Variants in PCDHGB7 observed in about 807,000 individuals in gnomAD.
The protein encoded by PCDHGB7 is protocadherin gamma subfamily B, 7.
PCDHGB7 carries 37 observed loss-of-function variants against 61.4 expected under a neutral mutation model. The observed-to-expected ratio is 0.60, with a 90% CI of 0.46 to 0.79. PCDHGB7 has a LOEUF of 0.79. Ranked by LOEUF, PCDHGB7 falls within the 30% of genes least tolerant of loss-of-function variation. The pLI is 0.00. For missense variants in PCDHGB7, 1,166 were observed against 1,202.5 expected (o/e 0.97, Z 0.45); for synonymous variants, 464 against 503.5 (o/e 0.92, Z 1.05).
intron 1 of PCDHGB7, among the ~76,000 whole-genome samples, chr5:141,464,886 A>T (rs541933775): frequency 5.2e-4 from 79 of 152,156 alleles, no homozygotes; most frequent in African/African-American, 1.9e-3. Flanking sequence ...CTACAGATGG[A>T]TGCCACCATG....
chr5:141,446,928 C>T (rs988582410), intron 1 of PCDHGB7, among the ~76,000 whole-genome samples: 14 of 152,132 alleles, frequency 9.2e-5, no homozygotes, highest in Non-Finnish European at 1.6e-4. Context: ...TTCCTGATCT[C>T]TTTTTCACTG....
At chr5:141,460,741 A>G (rs1378900827) in intron 1 of PCDHGB7, among the ~76,000 whole-genome samples, 1 of 152,128 alleles carries the variant, frequency 6.6e-6, no homozygotes, top group Non-Finnish European at 1.5e-5. Flanking sequence ...CACATTGTAT[A>G]TATATGTGTA....
In PCDHGB7 at chr5:141,432,249, A is replaced by G; in HGVS notation, c.2415+11975A>G. The G allele has an allele frequency of 6.2e-7, 1 of 1,614,206 alleles. No individual in the cohort carries two copies. Among genetic ancestry groups the G allele is most frequent in the Non-Finnish European group, 8.5e-7 (1 of 1,180,044 alleles). On this transcript the variant is annotated intron_variant, in intron 1 of 3. Coordinates refer to ENST00000398594, the MANE Select transcript of PCDHGB7 (RefSeq NM_018927.4). The surrounding 1 kb of genome is among the most constrained non-coding windows in gnomAD (Gnocchi z 6.0). ...TATTCCCTGGCTGAGAACACCATCC[A>G]AGGGGCAAGCCTATCGTCCTACGTG...
intron 1 of PCDHGB7, among the ~76,000 whole-genome samples, chr5:141,494,199 G>A (rs1033914239): frequency 1.3e-5 from 2 of 152,160 alleles, no homozygotes; most frequent in South Asian, 2.1e-4. Context: ...TGGATGCCCC[G>A]CAAAGGCCCA....
rs200349213 is a variant in PCDHGB7 at position 141,425,728 on chromosome 5, GGAT to G, written c.2415+5456_2415+5458del. Among the ~76,000 whole-genome samples the G allele has an allele frequency of 9.8e-4, 149 of 152,196 alleles. 2 individuals carry two copies. In the East Asian group the frequency reaches 0.027, roughly 28 times the overall value. ...AAAATTTTCCCATACCACTTGATGG[GGAT>G]GTTTTCCCACAAGGTTTTTGTTCTA... On this transcript the variant is annotated intron_variant, in intron 1 of 3. Transcript: ENST00000398594.
intron 1 of PCDHGB7, among the ~76,000 whole-genome samples, chr5:141,433,995 CT>C (rs2097669147): frequency 2.6e-5 from 4 of 152,028 alleles, no homozygotes; most frequent in Admixed American, 2.0e-4. Flanking sequence ...GTTTTATATT[CT>C]CTATATATGT....
chr5:141,482,160 T>G (rs577572891), intron 1 of PCDHGB7, among the ~76,000 whole-genome samples: 1 of 151,854 alleles, frequency 6.6e-6, no homozygotes, highest in Admixed American at 6.6e-5. Context: ...GTCAAAGATA[T>G]GTAAGATTAA....
chr5:141,510,420 G>A (rs1275392355), intron 3 of PCDHGB7, among the ~76,000 whole-genome samples: 2 of 152,126 alleles, frequency 1.3e-5, no homozygotes, highest in Non-Finnish European at 2.9e-5. Flanking sequence ...TAAAGCCATG[G>A]TTTCATGGCT....
chr5:141,430,919 C>T, intron 1 of PCDHGB7: 1 of 1,607,610 alleles, frequency 6.2e-7, no homozygotes, highest in Non-Finnish European at 8.5e-7. Context: ...GGACCTGGGG[C>T]TGGAGCCCCG....
intron 1 of PCDHGB7, among the ~76,000 whole-genome samples, chr5:141,447,535 G>T (rs1366016262): frequency 3.3e-5 from 5 of 152,162 alleles, no homozygotes; most frequent in Admixed American, 6.5e-5. Flanking sequence ...AAATTGTTGG[G>T]TTTTAATGTT....
intron 1 of PCDHGB7, chr5:141,423,251 A>T: frequency 6.2e-7 from 1 of 1,613,844 alleles, no homozygotes; most frequent in East Asian, 2.2e-5. Context: ...GTCCTGGCGG[A>T]CCTCGGCAGC....
intron 1 of PCDHGB7, among the ~76,000 whole-genome samples, chr5:141,473,191 G>A (rs28479996): frequency 0.019 from 2,957 of 152,242 alleles, 87 homozygotes; most frequent in African/African-American, 0.062. Context: ...AGGAGTAAAT[G>A]TATCTTCTAA....
intron 1 of PCDHGB7, among the ~76,000 whole-genome samples, chr5:141,479,129 C>T (rs2099488562): frequency 6.6e-6 from 1 of 152,154 alleles, no homozygotes; most frequent in South Asian, 2.1e-4. Context: ...AAATGATGTG[C>T]ACCCTGCTTA....
intron 2 of PCDHGB7, among the ~76,000 whole-genome samples, chr5:141,503,269 C>T (rs1161751693): frequency 6.6e-6 from 1 of 152,116 alleles, no homozygotes; most frequent in Non-Finnish European, 1.5e-5. Flanking sequence ...ACCCCAGCAC[C>T]TGGCTCTGTG....
chr5:141,453,099 C>CT (rs568622146), intron 1 of PCDHGB7, among the ~76,000 whole-genome samples: 1 of 151,962 alleles, frequency 6.6e-6, no homozygotes, highest in East Asian at 1.9e-4. Flanking sequence ...TTTTCTGTTG[C>CT]TTTTTTGTTT....
rs375537017 is a variant in PCDHGB7 at position 141,419,439 on chromosome 5, C to T, written c.1580C>T (p.Thr527Ile). 22 of 1,613,154 alleles carry T rather than the reference C, an allele frequency of 1.4e-5. No individual in the cohort carries two copies. Among genetic ancestry groups the T allele is most frequent in the Non-Finnish European group, 1.7e-5 (20 of 1,179,788 alleles). Residue 527 changes from threonine to isoleucine, a missense_variant, in exon 1 of 4, where the codon ACC becomes ATC. Thr to Ile is a moderately conservative substitution (Grantham distance 89). Transcript: ENST00000398594. The part of the protein sequence containing the change: ...QRAFDHEQLR[T>I]FELTLQARDQ... ...GCCTTCGACCACGAGCAGCTGCGCACCTTCGAGCTCACGCTGCAGGCCCGC... is the reference window on the plus strand; with the variant it reads ...GCCTTCGACCACGAGCAGCTGCGCATCTTCGAGCTCACGCTGCAGGCCCGC...
Position 141,431,877 on chromosome 5 carries a change from AC to A in PCDHGB7, c.2415+11605del. 1 of 1,614,230 alleles carries A rather than the reference AC, an allele frequency of 6.2e-7. No individual in the cohort carries two copies. The highest frequency in any genetic ancestry group is 1.3e-5 in the African/African-American group (1 of 75,070). ...TTAATTGCCCTTTTAAATGTAAATGACCAAGATTCTGAGGAAAACGGACAGG... is the reference window on the plus strand; with the variant it reads ...TTAATTGCCCTTTTAAATGTAAATGACAAGATTCTGAGGAAAACGGACAGG... On this transcript the variant is annotated intron_variant, in intron 1 of 3. Coordinates refer to ENST00000398594, the MANE Select transcript of PCDHGB7 (RefSeq NM_018927.4). The surrounding 1 kb of genome is among the most constrained non-coding windows in gnomAD (Gnocchi z 4.8).
rs201391904 is a variant in PCDHGB7, at chr5:141,494,843, G to A, written c.2452G>A (p.Ala818Thr). Residue 818 changes from alanine to threonine, a missense_variant, in exon 2 of 4, where the codon GCC becomes ACC. Transcript: ENST00000398594. ...PPNTDWRFSQ[A>T]QRPGTSGSQN... is the part of the protein sequence containing the mutation. ...CAACACGGACTGGCGTTTCTCTCAG[G>A]CCCAGAGACCCGGCACCAGCGGGTA... 1.9e-6 allele frequency: 3 copies of A among 1,614,088 alleles called. No homozygotes were observed. Among genetic ancestry groups the A allele is most frequent in the Admixed American group, 3.3e-5 (2 of 60,008 alleles).
chr5:141,442,348 CTG>C (rs1318031659), intron 1 of PCDHGB7: 1 of 152,378 alleles, frequency 6.6e-6, no homozygotes, highest in Non-Finnish European at 1.5e-5. Context: ...TTCTGGGTAA[CTG>C]TAGCTCTATG....
Sources: gnomAD v4.1 joint callset for allele counts (sites outside exome capture counted in the v4.1 genomes callset) on GRCh38, gnomAD v4.1.1 for gene constraint, Gnocchi (gnomAD v3.1) non-coding constraint, MANE v1.5 for transcripts, NCBI Gene and HGNC (gene_info 2026-07-23, HGNC 2026-07-21) for gene names.